Variants in GNA14 observed in about 807,000 individuals in gnomAD.
GNA14 encodes the protein guanine nucleotide-binding protein subunit alpha-14.
Under a neutral mutation model 42.0 loss-of-function variants are expected in GNA14, and 50 were observed. The observed-to-expected ratio is 1.19, with a 90% confidence interval of 0.95 to 1.51. The LOEUF is 1.51. Among genes scored for constraint, GNA14 ranks in the 40% most tolerant of loss-of-function variants. GNA14 has a pLI of 0.00. For missense variants in GNA14, 473 were observed against 446.2 expected, an observed-to-expected ratio of 1.06 and a Z score of -0.54; for synonymous variants, 173 against 163.1, an observed-to-expected ratio of 1.06 and a Z score of -0.46.
chr9:77,465,853 C>T (rs776070868), intron 2 of GNA14, among the ~76,000 whole-genome samples: 4 of 152,160 alleles, frequency 2.6e-5, no homozygotes, highest in Non-Finnish European at 4.4e-5. Context: ...GCAGTCCTCC[C>T]ACCTTGGCCT....
intron 2 of GNA14, among the ~76,000 whole-genome samples, chr9:77,469,953 T>C (rs1836301316): frequency 6.6e-6 from 1 of 152,224 alleles, no homozygotes; most frequent in African/African-American, 2.4e-5. Context: ...AAAGCAAAAC[T>C]GTACCTTGGT....
intron 2 of GNA14, among the ~76,000 whole-genome samples, chr9:77,491,395 A>C (rs1185255225): frequency 6.6e-6 from 1 of 152,220 alleles, no homozygotes; most frequent in Non-Finnish European, 1.5e-5. Flanking sequence ...ACAAAACCCA[A>C]CTATATGCTG....
At chr9:77,630,873 A>T (rs1287030108) in intron 1 of GNA14, among the ~76,000 whole-genome samples, 1 of 152,218 alleles carries the variant, frequency 6.6e-6, no homozygotes, top group Non-Finnish European at 1.5e-5. Flanking sequence ...TGGGAGGATG[A>T]GAGACATCAA....
chr9:77,525,002 C>T, intron 2 of GNA14, among the ~76,000 whole-genome samples: 1 of 152,140 alleles, frequency 6.6e-6, no homozygotes, highest in African/African-American at 2.4e-5. Context: ...AGTACACCAA[C>T]TGATTAAATC....
chr9:77,491,814 CCTAA>C (rs1444371038), intron 2 of GNA14, among the ~76,000 whole-genome samples: 1 of 152,132 alleles, frequency 6.6e-6, no homozygotes, highest in African/African-American at 2.4e-5. Context: ...ACCAAATAGG[CCTAA>C]CTGACATTTA....
chr9:77,549,807 C>T (rs1485552328), intron 1 of GNA14, among the ~76,000 whole-genome samples: 1 of 152,174 alleles, frequency 6.6e-6, no homozygotes, highest in Non-Finnish European at 1.5e-5. Flanking sequence ...AATGAGGACA[C>T]AGGCCCAAGG....
chr9:77,648,250 C>A lies in GNA14; in HGVS notation c.-457G>T. On this transcript the variant is annotated 5_prime_UTR_variant, in exon 1 of 7. Transcript: ENST00000341700. ...AGGTAGGCGCGGAGTGGGTTGGAGG[C>A]AAAGGACCTGGCTGGCCTTTGCCTG... 4.9e-6 allele frequency: 1 copy of A among 204,104 alleles called. No homozygotes were observed. The highest frequency in any genetic ancestry group is 7.7e-5 in the South Asian group (1 of 12,970). 12.6% of individuals were successfully genotyped at this position (204,104 alleles called of 1,614,324 possible). A position where few individuals can be genotyped will look rare whatever the true frequency, so the allele number is the denominator to read the frequency against.
intron 2 of GNA14, among the ~76,000 whole-genome samples, chr9:77,453,381 A>G (rs1237071829): frequency 6.6e-6 from 1 of 152,230 alleles, no homozygotes; most frequent in African/African-American, 2.4e-5. Flanking sequence ...TGAATAGACT[A>G]AGACAGATAT....
chr9:77,472,780 A>G (rs1017739840), intron 2 of GNA14, among the ~76,000 whole-genome samples: 4 of 138,834 alleles, frequency 2.9e-5, no homozygotes, highest in Non-Finnish European at 6.2e-5. Context: ...AGGAAGAGAC[A>G]TGACATGATC....
chr9:77,579,532 T>C (rs978651346), intron 1 of GNA14, among the ~76,000 whole-genome samples: 2 of 152,220 alleles, frequency 1.3e-5, no homozygotes, highest in Non-Finnish European at 2.9e-5. Context: ...ATGTTAACTT[T>C]GCAAATTCAA....
intron 1 of GNA14, among the ~76,000 whole-genome samples, chr9:77,639,354 C>T (rs3936973): frequency 1 from 152,384 of 152,388 alleles, 76,190 homozygotes; most frequent in Middle Eastern, 1. Context: ...CATAATAGTA[C>T]GTGCCTCATT....
intron 2 of GNA14, among the ~76,000 whole-genome samples, chr9:77,512,612 T>C (rs1207413648): frequency 2.6e-5 from 4 of 152,210 alleles, no homozygotes; most frequent in Non-Finnish European, 5.9e-5. Context: ...TATGTATTCT[T>C]TATCAAAGGT....
At chr9:77,615,237 AGAG>A (rs770877845) in intron 1 of GNA14, among the ~76,000 whole-genome samples, 16 of 152,180 alleles carry the variant, frequency 1.1e-4, no homozygotes, top group Non-Finnish European at 2.4e-4. Flanking sequence ...TCAATTTCTC[AGAG>A]AAGAGACTCT....
intron 1 of GNA14, among the ~76,000 whole-genome samples, chr9:77,616,781 A>T (rs534882989): frequency 4.6e-5 from 7 of 152,308 alleles, no homozygotes; most frequent in African/African-American, 1.7e-4. Flanking sequence ...ATGAAACAAT[A>T]ACTCCACCTC....
intron 1 of GNA14, among the ~76,000 whole-genome samples, chr9:77,606,597 A>G (rs1823649397): frequency 6.6e-6 from 1 of 152,218 alleles, no homozygotes; most frequent in African/African-American, 2.4e-5. Flanking sequence ...AGTGCAACTT[A>G]TCAAAGGCTC....
At chr9:77,503,355 G>T (rs191336234) in intron 2 of GNA14, among the ~76,000 whole-genome samples, 86 of 152,258 alleles carry the variant, frequency 5.6e-4, no homozygotes, top group Middle Eastern at 3.4e-3. Flanking sequence ...GATGTAAAAG[G>T]TAAAGATCCT....
At chr9:77,582,942 T>G (rs1823248791) in intron 1 of GNA14, among the ~76,000 whole-genome samples, 2 of 152,222 alleles carry the variant, frequency 1.3e-5, no homozygotes, top group African/African-American at 4.8e-5. Context: ...AACCTCACTC[T>G]GACTGGCAAG....
chr9:77,569,654 G>A (rs912184431), intron 1 of GNA14, among the ~76,000 whole-genome samples: 1 of 152,164 alleles, frequency 6.6e-6, no homozygotes, highest in Non-Finnish European at 1.5e-5. Context: ...TGGGGGCTTT[G>A]GTTTCTCCCC....
intron 2 of GNA14, among the ~76,000 whole-genome samples, chr9:77,443,914 G>A (rs571061478): frequency 2.0e-5 from 3 of 152,318 alleles, no homozygotes; most frequent in Admixed American, 1.3e-4. Context: ...CCCAGGTGTT[G>A]GAGGCTAGAG....
Sources: gnomAD v4.1 joint callset for allele counts (sites outside exome capture counted in the v4.1 genomes callset) on GRCh38, gnomAD v4.1.1 for gene constraint, MANE v1.5 for transcripts, NCBI Gene and HGNC (gene_info 2026-07-23, HGNC 2026-07-21) for gene names.